The following LYRM4 variants were observed in gnomAD, a reference collection of about 807,000 sequenced individuals.
The protein encoded by LYRM4 is LYR motif containing 4.
Under a neutral mutation model 11.7 loss-of-function variants are expected in LYRM4, and 9 were observed. That is an observed-to-expected ratio of 0.77 (90% CI 0.46 to 1.34). The LOEUF (loss-of-function observed/expected upper bound fraction) is 1.34. LYRM4 is among the 40% of genes most tolerant of loss of function. The pLI, the probability that LYRM4 is intolerant of heterozygous loss-of-function variation, is 0.00. For missense variants in LYRM4, 133 were observed against 112.5 expected, an observed-to-expected ratio of 1.18 and a Z score of -0.82; for synonymous variants, 42 against 40.4, an observed-to-expected ratio of 1.04 and a Z score of -0.15.
chr6:5,132,396 C>T (rs1763997281), intron 2 of LYRM4, among the ~76,000 whole-genome samples: 2 of 152,102 alleles, frequency 1.3e-5, no homozygotes, highest in African/African-American at 4.8e-5. Context: ...CTTCTGACTT[C>T]AAAATCTAGC....
chr6:5,187,499 A>G (rs1328587045), intron 2 of LYRM4, among the ~76,000 whole-genome samples: 2 of 152,200 alleles, frequency 1.3e-5, no homozygotes, highest in Non-Finnish European at 2.9e-5. Context: ...AAACTATCAC[A>G]ATGACAGAAA....
chr6:5,208,342 C>A (rs1761815576), intron 2 of LYRM4, among the ~76,000 whole-genome samples: 1 of 152,228 alleles, frequency 6.6e-6, no homozygotes, highest in Admixed American at 6.5e-5. Context: ...AATGTGCTTT[C>A]TCTGCCAGAG....
chr6:5,120,024 A>G (rs527318136), intron 2 of LYRM4, among the ~76,000 whole-genome samples: 1 of 151,806 alleles, frequency 6.6e-6, no homozygotes, highest in South Asian at 2.1e-4. Context: ...CCTCCCGAGT[A>G]GCTGGGACTA....
chr6:5,260,661 C>T lies in LYRM4; in HGVS notation c.73G>A (p.Ala25Thr). ...CCGCTGGGTCACCTGTAATTGTAGG[C>T]GCTGAAACGCTTGCTCTCTCTCAGC... ...AMLRESKRFS[A>T]YNYRTYAVRR... is the part of the protein sequence containing the mutation. The change falls in exon 1 of 3, where the codon GCC becomes ACC. Residue 25 changes from alanine (A) to threonine (T), a missense_variant. Physicochemically the swap from Ala to Thr is moderately conservative, Grantham distance 58. Transcript: ENST00000330636. 1 of 1,467,282 alleles carries T rather than the reference C, an allele frequency of 6.8e-7. No individual in the cohort carries two copies. The allele number at this position is 1,467,282 out of a possible 1,614,324, so 90.9% of individuals were successfully genotyped here. A position where few individuals can be genotyped will look rare whatever the true frequency, so the allele number is the denominator to read the frequency against.
rs1380942201 is a variant in LYRM4 at position 5,245,103 on chromosome 6, AAAAAAAAAAAATATATATATATATAT to A, written c.86+15519_86+15544del. On this transcript the variant is annotated intron_variant, in intron 1 of 2. Transcript: ENST00000330636. ...CAGGAAGACCTTAAAAAAAAAAAAAAAAAAAAAAAAATATATATATATATATATATATATATATATATATATATATA... is the reference window on the plus strand; with the variant it reads ...CAGGAAGACCTTAAAAAAAAAAAAAAATATATATATATATATATATATATA... Among the ~76,000 whole-genome samples the A allele has an allele frequency of 2.2e-3, 126 of 58,400 alleles. 8 individuals carry two copies. Among genetic ancestry groups the A allele is most frequent in the South Asian group, 6.9e-3 (10 of 1,458 alleles). 38.3% of individuals were successfully genotyped at this position (58,400 alleles called of 152,430 possible). A position where few individuals can be genotyped will look rare whatever the true frequency, so the allele number is the denominator to read the frequency against.
At chr6:5,104,636 C>G (rs1762606361), downstream of LYRM4, 1 of 152,154 alleles carries the variant, frequency 6.6e-6, no homozygotes, top group Non-Finnish European at 1.5e-5. Flanking sequence ...AAGAGCTACC[C>G]TTTCTCTACT....
At chr6:5,131,145 G>T (rs939515397) in intron 2 of LYRM4, among the ~76,000 whole-genome samples, 1 of 152,192 alleles carries the variant, frequency 6.6e-6, no homozygotes, top group African/African-American at 2.4e-5. Context: ...TGACAAGGCA[G>T]AATTGAGTCT....
At chr6:5,145,060 C>G (rs1462603968) in intron 2 of LYRM4, among the ~76,000 whole-genome samples, 1 of 152,186 alleles carries the variant, frequency 6.6e-6, no homozygotes, top group South Asian at 2.1e-4. Flanking sequence ...CCAGGCCTGG[C>G]GCTGGAAGAG....
chr6:5,134,370 GA>G (rs1401449176), intron 2 of LYRM4, among the ~76,000 whole-genome samples: 7 of 152,190 alleles, frequency 4.6e-5, no homozygotes, highest in African/African-American at 1.7e-4. Context: ...GAGCAAGGAA[GA>G]AAAAAAGATA....
At chr6:5,242,766 CTT>C (rs59883253) in intron 1 of LYRM4, among the ~76,000 whole-genome samples, 3,321 of 128,040 alleles carry the variant, frequency 0.026, 116 homozygotes, top group African/African-American at 0.099. Flanking sequence ...GATTTCTGCT[CTT>C]TTTTTTTTTT....
the LYRM4 span, among the ~76,000 whole-genome samples, chr6:5,039,213 A>G: frequency 3.3e-5 from 5 of 152,182 alleles, no homozygotes; most frequent in Non-Finnish European, 7.3e-5. Context: ...GGAAGCCACC[A>G]TTACTTAAAA....
At chr6:5,204,157 C>T (rs1363467302) in intron 2 of LYRM4, among the ~76,000 whole-genome samples, 1 of 152,152 alleles carries the variant, frequency 6.6e-6, no homozygotes, top group Non-Finnish European at 1.5e-5. Flanking sequence ...TCCTGTTGTA[C>T]TCCTGGGCCT....
intron 2 of LYRM4, among the ~76,000 whole-genome samples, chr6:5,120,021 A>C (rs1456666515): frequency 6.6e-6 from 1 of 151,694 alleles, no homozygotes; most frequent in African/African-American, 2.4e-5. Context: ...CAGCCTCCCG[A>C]GTAGCTGGGA....
intron 2 of LYRM4, among the ~76,000 whole-genome samples, chr6:5,181,211 T>C (rs1396517729): frequency 1.3e-5 from 2 of 152,176 alleles, no homozygotes; most frequent in East Asian, 3.9e-4. Flanking sequence ...AATGACAAGG[T>C]GGGAAAAGAA....
intron 2 of LYRM4, among the ~76,000 whole-genome samples, chr6:5,173,787 GAT>G (rs1199464254): frequency 2.6e-5 from 4 of 152,202 alleles, no homozygotes; most frequent in Non-Finnish European, 1.5e-5. Context: ...TTGATAAAAA[GAT>G]ATGTCCTGAA....
At chr6:5,242,501 C>T (rs1198550005) in intron 1 of LYRM4, among the ~76,000 whole-genome samples, 4 of 151,516 alleles carry the variant, frequency 2.6e-5, no homozygotes, top group African/African-American at 4.8e-5. Context: ...AGGTGAATCT[C>T]CTGAGGTCAG....
chr6:5,039,020 T>C, the LYRM4 span, among the ~76,000 whole-genome samples: 6 of 152,186 alleles, frequency 3.9e-5, no homozygotes, highest in Non-Finnish European at 7.3e-5. Flanking sequence ...AGTTTACACA[T>C]GTTTCTTTTA....
chr6:5,173,559 T>C (rs1307774773), intron 2 of LYRM4, among the ~76,000 whole-genome samples: 2 of 152,260 alleles, frequency 1.3e-5, no homozygotes, highest in African/African-American at 4.8e-5. Context: ...CCTTTTCTTT[T>C]CTATGAATGA....
intron 1 of LYRM4, among the ~76,000 whole-genome samples, chr6:5,221,535 A>T (rs1318754721): frequency 1.3e-5 from 2 of 152,064 alleles, no homozygotes; most frequent in African/African-American, 4.8e-5. Flanking sequence ...TCTACTAAAA[A>T]TACAAAAATT....
Sources: gnomAD v4.1 joint callset for allele counts (sites outside exome capture counted in the v4.1 genomes callset) on GRCh38, gnomAD v4.1.1 for gene constraint, MANE v1.5 for transcripts, NCBI Gene and HGNC (gene_info 2026-07-23, HGNC 2026-07-21) for gene names.